The following PCDHB14 variants were observed in gnomAD, a reference collection of about 807,000 sequenced individuals.
The protein encoded by PCDHB14 is protocadherin beta-14.
For missense variants in PCDHB14, 1,129 were observed against 1,000.5 expected, an observed-to-expected ratio of 1.13 and a Z score of -1.73; for synonymous variants, 511 against 441.5, an observed-to-expected ratio of 1.16 and a Z score of -1.97.
Position 141,224,345 on chromosome 5 carries a change from AT to A in PCDHB14, c.845del (p.Phe282SerfsTer22). 1.2e-6 allele frequency: 2 copies of A among 1,611,766 alleles called. No individual in the cohort carries two copies. Among genetic ancestry groups the A allele is most frequent in the South Asian group, 1.1e-5 (1 of 90,496 alleles). On this transcript the variant is annotated frameshift_variant, in exon 1 of 1. Transcript: ENST00000239449. LOFTEE classifies it low-confidence loss of function (END_TRUNC). ...GAAACTATGGAAAAATATCTTACACATTTTTCCATGCATCAGAAGATATTCG... is the reference window on the plus strand; with the variant it reads ...GAAACTATGGAAAAATATCTTACACATTTTCCATGCATCAGAAGATATTCG... The part of the protein sequence containing the change: ...AGNYGKISYT[F>X]FHASEDIRKT...
rs782054784 is a variant in PCDHB14 at position 141,225,534 on chromosome 5, G to T, written c.2029G>T (p.Ala677Ser). The change falls in exon 1 of 1, where the codon GCC (alanine) becomes TCC (serine). Residue 677 changes from alanine (A) to serine (S), a missense_variant. Coordinates refer to ENST00000239449, the MANE Select transcript of PCDHB14 (RefSeq NM_018934.4). Reference sequence around the variant, plus strand: ...GCCCTACCTGCCGCTCCCTGAGGCGGCCCCGGCCCAGGCCCAGGCCGACTC... The same window carrying T: ...GCCCTACCTGCCGCTCCCTGAGGCGTCCCCGGCCCAGGCCCAGGCCGACTC... ...SQPYLPLPEA[A>S]PAQAQADSLT... 3.5e-5 allele frequency: 56 copies of T among 1,609,700 alleles called. No individual in the cohort carries two copies. Among genetic ancestry groups the T allele is most frequent in the Non-Finnish European group, 4.6e-5 (54 of 1,179,774 alleles).
rs1754886638 is a variant in PCDHB14, at chr5:141,227,649, T to C, written c.*1747T>C. On this transcript the variant is annotated 3_prime_UTR_variant, in exon 1 of 1. Coordinates refer to ENST00000239449, the MANE Select transcript of PCDHB14 (RefSeq NM_018934.4). ...CAAATTCCAGTTTCCTTAGATTTCT[T>C]CCCTCTACTTTATGCAATTATCACT... is the stretch of plus-strand genomic sequence containing the variant. 1 of 152,208 alleles carries C rather than the reference T, an allele frequency of 6.6e-6. No homozygotes were observed. The allele number at this position is 152,208 out of a possible 1,614,324, so 9.4% of individuals were successfully genotyped here.
At position 141,224,616 on chromosome 5, in the gene PCDHB14, C is replaced by G; in HGVS notation, c.1111C>G (p.Leu371Val). 6.2e-7 allele frequency: 1 copy of G among 1,614,110 alleles called. No individual in the cohort carries two copies. Among genetic ancestry groups the G allele is most frequent in the Non-Finnish European group, 8.5e-7 (1 of 1,180,018 alleles). Residue 371 changes from leucine to valine, a missense_variant, in exon 1 of 1, where the codon CTA becomes GTA. Transcript: ENST00000239449. ...SETLVALFSI[L>V]DQDSGDNGRM... ...GACCCTAGTAGCTCTTTTTAGTATC[C>G]TAGACCAAGACTCTGGAGACAATGG...
chr5:141,225,205 A>G lies in PCDHB14; in HGVS notation c.1700A>G (p.Asn567Ser), dbSNP rs782434234. The change falls in exon 1 of 1, where the codon AAC becomes AGC. Residue 567 changes from asparagine to serine, a missense_variant. Physicochemically the swap from Asn to Ser is conservative, Grantham distance 46. Coordinates refer to ENST00000239449, the MANE Select transcript of PCDHB14 (RefSeq NM_018934.4). ...CCCTTCGTGCTGTACCCGCTGCAGA[A>G]CGGCTCCGCGCCCTGCACCGAGCTG... The part of the protein sequence containing the change: ...NSPFVLYPLQ[N>S]GSAPCTELVP... 1.2e-5 allele frequency: 19 copies of G among 1,607,106 alleles called. No homozygotes were observed. In the Admixed American group the frequency reaches 3.0e-4, roughly 25 times the overall value.
rs1395511374 is a variant in PCDHB14 at position 141,226,830 on chromosome 5, T to TTTTTTG, written c.*940_*945dup. On this transcript the variant is annotated 3_prime_UTR_variant, in exon 1 of 1. Transcript: ENST00000239449. Reference sequence around the variant, plus strand: ...CAAGCGATCTGCCCGCCTTAGCTAGTTTTTTGTTTTTGTTTTTTGAGACAA... The same window carrying TTTTTTG: ...CAAGCGATCTGCCCGCCTTAGCTAGTTTTTTGTTTTTGTTTTTGTTTTTTGAGACAA... 2 of 152,238 alleles carry TTTTTTG rather than the reference T, an allele frequency of 1.3e-5. No individual in the cohort carries two copies. Among genetic ancestry groups the TTTTTTG allele is most frequent in the African/African-American group, 2.4e-5 (1 of 41,398 alleles). 9.4% of individuals were successfully genotyped at this position (152,238 alleles called of 1,614,324 possible). A position where few individuals can be genotyped will look rare whatever the true frequency, so the allele number is the denominator to read the frequency against.
chr5:141,224,896 A>G lies in PCDHB14; in HGVS notation c.1391A>G (p.Asn464Ser), dbSNP rs1554289271. Residue 464 changes from asparagine to serine, a missense_variant, in exon 1 of 1, where the codon AAC becomes AGC. Physicochemically the swap from Asn to Ser is conservative, Grantham distance 46. Coordinates refer to ENST00000239449, the MANE Select transcript of PCDHB14 (RefSeq NM_018934.4). ...TSYTLFVRENNSPALHIGSVS... is the reference protein window; with the variant it reads ...TSYTLFVRENSSPALHIGSVS... ...TACACCCTGTTCGTCCGCGAGAACA[A>G]CAGCCCCGCCCTGCACATCGGCAGC... is the stretch of plus-strand genomic sequence containing the variant. The G allele has an allele frequency of 1.2e-6, 2 of 1,613,160 alleles. No individual in the cohort carries two copies. Among genetic ancestry groups the G allele is most frequent in the East Asian group, 2.2e-5 (1 of 44,882 alleles).
rs782625679 is a variant in PCDHB14, at chr5:141,224,621, C to T, written c.1116C>T (p.Asp372=). Residue 372 remains aspartate, a synonymous_variant, in exon 1 of 1, where the codon GAC becomes GAT. Coordinates refer to ENST00000239449, the MANE Select transcript of PCDHB14 (RefSeq NM_018934.4). ...TAGTAGCTCTTTTTAGTATCCTAGA[C>T]CAAGACTCTGGAGACAATGGGAGGA... The part of the protein sequence containing the change: ...ETLVALFSIL[D]QDSGDNGRMI... 2.5e-6 allele frequency: 4 copies of T among 1,614,100 alleles called. No individual in the cohort carries two copies. Among genetic ancestry groups the T allele is most frequent in the Non-Finnish European group, 2.5e-6 (3 of 1,180,018 alleles).
Position 141,224,738 on chromosome 5 carries a change from A to C in PCDHB14, c.1233A>C (p.Arg411Ser). The change falls in exon 1 of 1, where the codon AGA becomes AGC. Residue 411 changes from arginine to serine, a missense_variant. Arg to Ser is a moderately radical substitution (Grantham distance 110). Coordinates refer to ENST00000239449, the MANE Select transcript of PCDHB14 (RefSeq NM_018934.4). ...FTLVSEKALD[R>S]ESQAEYNITI... The stretch of plus-strand genomic sequence containing the variant: ...TAGTTTCTGAAAAAGCACTGGACAG[A>C]GAGAGCCAAGCCGAGTACAACATCA... The C allele has an allele frequency of 6.2e-7, 1 of 1,614,182 alleles. No individual in the cohort carries two copies. Among genetic ancestry groups the C allele is most frequent in the African/African-American group, 1.3e-5 (1 of 75,042 alleles).
Position 141,225,055 on chromosome 5 carries a change from G to A in PCDHB14, c.1550G>A (p.Arg517Lys), listed in dbSNP as rs1164630587. The A allele has an allele frequency of 6.2e-7, 1 of 1,612,532 alleles. No individual in the cohort carries two copies. The highest frequency in any genetic ancestry group is 2.2e-5 in the East Asian group (1 of 44,888). ...GACAATGGCCACCTGTTTGCCCTCAGGTCGCTGGACTACGAGGCCCTACAG... is the reference window on the plus strand; with the variant it reads ...GACAATGGCCACCTGTTTGCCCTCAAGTCGCTGGACTACGAGGCCCTACAG... ...NADNGHLFAL[R>K]SLDYEALQEF... The change falls in exon 1 of 1, where the codon AGG becomes AAG. Residue 517 changes from arginine to lysine, a missense_variant. Physicochemically the swap from Arg to Lys is conservative, Grantham distance 26. Coordinates refer to ENST00000239449, the MANE Select transcript of PCDHB14 (RefSeq NM_018934.4).
At position 141,225,257 on chromosome 5, in the gene PCDHB14, C is replaced by T. The variant is rs1554289394; in HGVS notation, c.1752C>T (p.Tyr584=). 1.3e-5 allele frequency: 21 copies of T among 1,599,638 alleles called. No individual in the cohort carries two copies. The highest frequency in any genetic ancestry group is 1.7e-5 in the Non-Finnish European group (20 of 1,177,124). ...TGCCCCGGGCGGCCGAGCCGGGCTA[C>T]CTGGTGACCAAGGTGGTGGCGGTGG... ...ELVPRAAEPG[Y]LVTKVVAVDG... is the part of the protein sequence containing the mutation. The change falls in exon 1 of 1, where the codon TAC becomes TAT. Residue 584 remains tyrosine (Y), a synonymous_variant. Transcript: ENST00000239449.
Position 141,225,201 on chromosome 5 carries a change from C to T in PCDHB14, c.1696C>T (p.Gln566Ter). ...DNSPFVLYPLQNGSAPCTELV... is the reference protein window; with the variant it reads ...DNSPFVLYPL Reference sequence around the variant, plus strand: ...CTCGCCCTTCGTGCTGTACCCGCTGCAGAACGGCTCCGCGCCCTGCACCGA... The same window carrying T: ...CTCGCCCTTCGTGCTGTACCCGCTGTAGAACGGCTCCGCGCCCTGCACCGA... The change falls in exon 1 of 1, where the codon CAG becomes TAG. Residue 566 changes from glutamine to a stop codon, truncating the protein, a stop_gained. Transcript: ENST00000239449. LOFTEE classifies it low-confidence loss of function (END_TRUNC). The T allele has an allele frequency of 1.2e-6, 2 of 1,608,128 alleles. No individual in the cohort carries two copies. Among genetic ancestry groups the T allele is most frequent in the Non-Finnish European group, 8.5e-7 (1 of 1,179,280 alleles).
rs894255419 is a variant in PCDHB14, at chr5:141,224,551, T to G, written c.1046T>G (p.Ile349Arg). Residue 349 changes from isoleucine to arginine, a missense_variant, in exon 1 of 1, where the codon ATA becomes AGA. By Grantham distance (97) the Ile-to-Arg change is moderately conservative. Transcript: ENST00000239449. ...AACGACAACCCACCAGAAGTGACCATATCGTCGATTACAAAGAGAATTCCA... is the reference window on the plus strand; with the variant it reads ...AACGACAACCCACCAGAAGTGACCAGATCGTCGATTACAAAGAGAATTCCA... ...DINDNPPEVT[I>R]SSITKRIPEN... 4.3e-6 allele frequency: 7 copies of G among 1,612,700 alleles called. No individual in the cohort carries two copies. The highest frequency in any genetic ancestry group is 1.7e-5 in the Admixed American group (1 of 59,668).
In PCDHB14 at chr5:141,226,077, T is replaced by A; in HGVS notation, c.*175T>A. On this transcript the variant is annotated 3_prime_UTR_variant, in exon 1 of 1. Transcript: ENST00000239449. The stretch of plus-strand genomic sequence containing the variant: ...TAGTGGCTATAATGACGTGGAAATG[T>A]AATCTGTGTTTTCTGGTTTTTCATT... The A allele has an allele frequency of 3.1e-6, 2 of 650,964 alleles. No homozygotes were observed. Among genetic ancestry groups the A allele is most frequent in the Non-Finnish European group, 5.1e-6 (2 of 389,186 alleles). The allele number at this position is 650,964 out of a possible 1,614,324, so 40.3% of individuals were successfully genotyped here.
In PCDHB14 at chr5:141,226,717, C is replaced by G. The variant is rs1754868852; in HGVS notation, c.*815C>G. 1 of 152,196 alleles carries G rather than the reference C, an allele frequency of 6.6e-6. No individual in the cohort carries two copies. The allele number at this position is 152,196 out of a possible 1,614,324, so 9.4% of individuals were successfully genotyped here. ...TGAGTAGCTGGATCACCAGCACAGG[C>G]CACTACGGCCTGGCTAATTCTTTTG... On this transcript the variant is annotated 3_prime_UTR_variant, in exon 1 of 1. Coordinates refer to ENST00000239449, the MANE Select transcript of PCDHB14 (RefSeq NM_018934.4).
Position 141,226,674 on chromosome 5 carries a change from T to A in PCDHB14, c.*772T>A, listed in dbSNP as rs1754868310. On this transcript the variant is annotated 3_prime_UTR_variant, in exon 1 of 1. Transcript: ENST00000239449. ...CCTTGACTTCCTGGGTTCAGGTGAT[T>A]CTCCTGCCTCAGCCTCCTGAGTAGC... is the stretch of plus-strand genomic sequence containing the variant. 1 of 152,242 alleles carries A rather than the reference T, an allele frequency of 6.6e-6. No homozygotes were observed. The highest frequency in any genetic ancestry group is 1.5e-5 in the Non-Finnish European group (1 of 68,092). 9.4% of individuals were successfully genotyped at this position (152,242 alleles called of 1,614,324 possible).
chr5:141,226,510 A>G lies in PCDHB14; in HGVS notation c.*608A>G, dbSNP rs1226016546. On this transcript the variant is annotated 3_prime_UTR_variant, in exon 1 of 1. Transcript: ENST00000239449. ...TTTGTTGATAATCCTGTTGTGGAGGAAGAGTCTTATAATGCTCTGGGCTTT... is the reference window on the plus strand; with the variant it reads ...TTTGTTGATAATCCTGTTGTGGAGGGAGAGTCTTATAATGCTCTGGGCTTT... 6.6e-6 allele frequency: 1 copy of G among 152,218 alleles called. No individual in the cohort carries two copies. The highest frequency in any genetic ancestry group is 1.5e-5 in the Non-Finnish European group (1 of 68,096). 9.4% of individuals were successfully genotyped at this position (152,218 alleles called of 1,614,324 possible).
In PCDHB14 at chr5:141,224,393, A is replaced by G. The variant is rs782294359; in HGVS notation, c.888A>G (p.Pro296=). The part of the protein sequence containing the change: ...EDIRKTFEIN[P]ISGEVNLRSP... ...TTCGTAAAACATTTGAAATTAATCC[A>G]ATATCTGGGGAAGTTAATTTGAGAT... Residue 296 remains proline (P), a synonymous_variant, in exon 1 of 1, where the codon CCA becomes CCG. Transcript: ENST00000239449. The G allele has an allele frequency of 1.4e-5, 22 of 1,607,970 alleles. 1 individual carries two copies. In the South Asian group the frequency reaches 2.2e-4, roughly 16 times the overall value.
At position 141,224,664 on chromosome 5, in the gene PCDHB14, G is replaced by A. The variant is rs1554289213; in HGVS notation, c.1159G>A (p.Asp387Asn). Residue 387 changes from aspartate (D) to asparagine (N), a missense_variant, in exon 1 of 1, where the codon GAT becomes AAT. Coordinates refer to ENST00000239449, the MANE Select transcript of PCDHB14 (RefSeq NM_018934.4). ...DNGRMICSIQ[D>N]NLPFFLKPTF... Reference sequence around the variant, plus strand: ...TGGGAGGATGATTTGCTCTATTCAAGATAACCTCCCTTTTTTCCTGAAACC... The same window carrying A: ...TGGGAGGATGATTTGCTCTATTCAAAATAACCTCCCTTTTTTCCTGAAACC... 1 of 1,614,124 alleles carries A rather than the reference G, an allele frequency of 6.2e-7. No homozygotes were observed. The highest frequency in any genetic ancestry group is 2.2e-5 in the East Asian group (1 of 44,868).
In PCDHB14 at chr5:141,225,314, G is replaced by C; in HGVS notation, c.1809G>C (p.Ser603=). The C allele has an allele frequency of 1.9e-6, 3 of 1,600,370 alleles. No individual in the cohort carries two copies. Among genetic ancestry groups the C allele is most frequent in the Non-Finnish European group, 2.5e-6 (3 of 1,178,414 alleles). The change falls in exon 1 of 1, where the codon TCG becomes TCC. Residue 603 remains serine (S), a synonymous_variant. Coordinates refer to ENST00000239449, the MANE Select transcript of PCDHB14 (RefSeq NM_018934.4). The stretch of plus-strand genomic sequence containing the variant: ...ACTCGGGCCAGAACGCCTGGCTGTC[G>C]TACCAGCTGCTCAAGGCCACGGAGC... ...DGDSGQNAWL[S]YQLLKATEPG... is the part of the protein sequence containing the mutation.
Sources: gnomAD v4.1 joint callset for allele counts on GRCh38, gnomAD v4.1.1 for gene constraint, MANE v1.5 for transcripts, NCBI Gene and HGNC (gene_info 2026-07-23, HGNC 2026-07-21) for gene names.